Variants in PAPPA observed in about 807,000 individuals in gnomAD.
The protein encoded by PAPPA is pappalysin-1.
In PAPPA, 60 loss-of-function variants were observed where a neutral mutation model predicts 164.0. That is an observed-to-expected ratio of 0.37 (90% CI 0.30 to 0.45). PAPPA has a LOEUF of 0.45. Among genes scored for constraint, PAPPA ranks in the 20% least tolerant of loss-of-function variants. The pLI, the probability that PAPPA is intolerant of heterozygous loss-of-function variation, is 1.00. For synonymous variants in PAPPA, 875 were observed against 814.1 expected, an observed-to-expected ratio of 1.07 and a Z score of -1.27; for missense variants, 1,782 against 2,087.3, an observed-to-expected ratio of 0.85 and a Z score of 2.85.
intron 21 of PAPPA, among the ~76,000 whole-genome samples, chr9:116,390,302 G>A (rs779526206): frequency 1.2e-4 from 19 of 152,168 alleles, no homozygotes; most frequent in Non-Finnish European, 2.6e-4. Context: ...GATAGGGGTG[G>A]GAGGGAAAAG....
At chr9:116,384,932 T>G (rs1305903070) in intron 21 of PAPPA, among the ~76,000 whole-genome samples, 3 of 152,202 alleles carry the variant, frequency 2.0e-5, no homozygotes, top group Non-Finnish European at 4.4e-5. Context: ...TATTGTAACT[T>G]AGGTACTAAA....
chr9:116,169,425 T>C (rs1843752228), intron 1 of PAPPA, among the ~76,000 whole-genome samples: 1 of 144,240 alleles, frequency 6.9e-6, no homozygotes, highest in Non-Finnish European at 1.5e-5. Context: ...GGTCAAGCAA[T>C]TCTCCTGCCT....
intron 10 of PAPPA, among the ~76,000 whole-genome samples, chr9:116,308,564 C>T (rs1184450239): frequency 6.6e-6 from 1 of 152,172 alleles, no homozygotes; most frequent in Non-Finnish European, 1.5e-5. Flanking sequence ...AAGATGCAGG[C>T]CACTGTGTTC....
chr9:116,316,855 C>T (rs1417266305), intron 10 of PAPPA, among the ~76,000 whole-genome samples: 2 of 152,184 alleles, frequency 1.3e-5, no homozygotes, highest in Non-Finnish European at 2.9e-5. Flanking sequence ...ACTGCCTCCT[C>T]TTCAAAAGCA....
chr9:116,173,216 TTTGAG>T (rs1843793687), intron 1 of PAPPA, among the ~76,000 whole-genome samples: 1 of 152,200 alleles, frequency 6.6e-6, no homozygotes, highest in African/African-American at 2.4e-5. Flanking sequence ...TAAAGCGTTT[TTTGAG>T]TTGAGTTATT....
chr9:116,298,905 G>A (rs1205043755), intron 9 of PAPPA, among the ~76,000 whole-genome samples: 1 of 152,156 alleles, frequency 6.6e-6, no homozygotes, highest in Non-Finnish European at 1.5e-5. Context: ...TCAGCATCTA[G>A]CAGAAAGTAT....
At chr9:116,304,376 C>G (rs1845617936) in intron 10 of PAPPA, among the ~76,000 whole-genome samples, 1 of 152,262 alleles carries the variant, frequency 6.6e-6, no homozygotes, top group Admixed American at 6.5e-5. Flanking sequence ...AGAAAACACT[C>G]ACGCATTGCC....
At chr9:116,232,421 A>G (rs1844609709) in intron 6 of PAPPA, among the ~76,000 whole-genome samples, 1 of 152,208 alleles carries the variant, frequency 6.6e-6, no homozygotes, top group Admixed American at 6.5e-5. Context: ...AGGTAACATT[A>G]CAGTAGGTAA....
chr9:116,230,128 T>C (rs538655361), intron 6 of PAPPA, among the ~76,000 whole-genome samples: 42 of 152,298 alleles, frequency 2.8e-4, no homozygotes, highest in African/African-American at 1.0e-3. Context: ...CCCAGCAGCC[T>C]TGGGTTTTCC....
At position 116,153,915 on chromosome 9, in the gene PAPPA, A is replaced by G. The variant is rs560446893; in HGVS notation, c.-258A>G. ...AGGAAGGCAACCAGCTGTTAGGGGA[A>G]AAATAAGGCAGATAAAGGAGCGGGG... On this transcript the variant is annotated 5_prime_UTR_variant, in exon 1 of 22. Transcript: ENST00000328252. The G allele has an allele frequency of 3.9e-4, 91 of 234,842 alleles. No homozygotes were observed. In the South Asian group the frequency reaches 0.012, roughly 32 times the overall value. The allele number at this position is 234,842 out of a possible 1,614,324, so 14.5% of individuals were successfully genotyped here.
At chr9:116,391,059 A>G (rs1846886283) in intron 21 of PAPPA, among the ~76,000 whole-genome samples, 1 of 152,184 alleles carries the variant, frequency 6.6e-6, no homozygotes, top group South Asian at 2.1e-4. Context: ...AGCATACACG[A>G]AAGTCAGCAA....
Position 116,329,030 on chromosome 9 carries a change from T to C in PAPPA, c.3148-2214T>C, listed in dbSNP as rs1311080953. 3.3e-5 allele frequency among the ~76,000 whole-genome samples: 5 copies of C among 152,322 alleles called. No homozygotes were observed. The East Asian group carries it at 9.6e-4, about 29-fold the overall frequency. ...ATGCAACCATGTGCTTTGATTAGTG[T>C]CTCATTATTATAAAGAGAATTGAGA... On this transcript the variant is annotated intron_variant, in intron 10 of 21. Coordinates refer to ENST00000328252, the MANE Select transcript of PAPPA (RefSeq NM_002581.5).
intron 1 of PAPPA, among the ~76,000 whole-genome samples, chr9:116,172,835 T>C (rs1421841966): frequency 1.3e-5 from 2 of 152,186 alleles, no homozygotes; most frequent in Non-Finnish European, 2.9e-5. Context: ...TAAAGTCCCT[T>C]AAAGATCCCT....
intron 14 of PAPPA, among the ~76,000 whole-genome samples, chr9:116,346,352 C>T (rs935703131): frequency 6.6e-6 from 1 of 152,100 alleles, no homozygotes; most frequent in Non-Finnish European, 1.5e-5. Context: ...TCTTTGTACC[C>T]TTCTCTCTTG....
chr9:116,231,091 A>G (rs1780155432), intron 6 of PAPPA, among the ~76,000 whole-genome samples: 1 of 152,144 alleles, frequency 6.6e-6, no homozygotes, highest in Non-Finnish European at 1.5e-5. Flanking sequence ...ATATATAGAT[A>G]TATAACGGGT....
At chr9:116,370,264 C>A (rs755226425) in intron 19 of PAPPA, among the ~76,000 whole-genome samples, 2 of 152,170 alleles carry the variant, frequency 1.3e-5, no homozygotes, top group African/African-American at 4.8e-5. Flanking sequence ...ACCTCCACCC[C>A]CTACCACACA....
chr9:116,301,769 G>A (rs540970565), intron 9 of PAPPA, among the ~76,000 whole-genome samples: 5 of 152,254 alleles, frequency 3.3e-5, no homozygotes, highest in Non-Finnish European at 7.4e-5. Context: ...TAGGGTATCC[G>A]ACAAGCCCTT....
chr9:116,268,829 G>A (rs921540429), intron 8 of PAPPA, among the ~76,000 whole-genome samples: 1 of 122,088 alleles, frequency 8.2e-6, no homozygotes, highest in African/African-American at 3.1e-5. Flanking sequence ...GCTTATGGAT[G>A]TTTCCCTAAG....
chr9:116,359,715 G>T (rs1465428851), intron 17 of PAPPA, among the ~76,000 whole-genome samples: 5 of 152,212 alleles, frequency 3.3e-5, no homozygotes, highest in Admixed American at 3.3e-4. Flanking sequence ...GGCACAGCAA[G>T]GGCAAAGATG....
Sources: allele counts gnomAD v4.1 joint callset (sites outside exome capture counted in the v4.1 genomes callset), GRCh38; gene constraint gnomAD v4.1.1; transcripts MANE v1.5; gene names NCBI Gene and HGNC (gene_info 2026-07-23, HGNC 2026-07-21).